MBOAT2: variants seen among roughly 807,000 people sequenced by gnomAD.
MBOAT2 encodes membrane-bound glycerophospholipid O-acyltransferase 2.
Under a neutral mutation model 63.4 loss-of-function variants are expected in MBOAT2, and 28 were observed. That is an observed-to-expected ratio of 0.44 (90% CI 0.33 to 0.61). MBOAT2 has a LOEUF of 0.61. MBOAT2 is among the 20% of genes least tolerant of loss of function. The pLI is 0.03. For synonymous variants in MBOAT2, 211 were observed against 215.6 expected (o/e 0.98, Z 0.19); for missense variants, 470 against 605.8 (o/e 0.78, Z 2.35).
At chr2:8,969,646 G>T (rs895734356) in intron 1 of MBOAT2, among the ~76,000 whole-genome samples, 2 of 152,090 alleles carry the variant, frequency 1.3e-5, no homozygotes, top group Non-Finnish European at 2.9e-5. Context: ...AGAGACACAC[G>T]TAGGCTCAAA....
intron 1 of MBOAT2, among the ~76,000 whole-genome samples, chr2:8,984,510 G>C (rs1671417091): frequency 6.6e-6 from 1 of 152,276 alleles, no homozygotes; most frequent in East Asian, 1.9e-4. Context: ...GGCATGCAGG[G>C]AGCTTAAAAG....
chr2:8,952,703 T>C (rs543378543), intron 2 of MBOAT2, among the ~76,000 whole-genome samples: 2 of 152,196 alleles, frequency 1.3e-5, no homozygotes, highest in East Asian at 1.9e-4. Flanking sequence ...TGTAATTTTA[T>C]GATTTTATGC....
rs1662068272 is a variant in MBOAT2 at position 8,868,559 on chromosome 2, A to T, written c.884-10T>A. 2 of 1,601,260 alleles carry T rather than the reference A, an allele frequency of 1.2e-6. No homozygotes were observed. Among genetic ancestry groups the T allele is most frequent in the Non-Finnish European group, 1.7e-6 (2 of 1,172,060 alleles). ...TTATTAATGGCATCAGCTATAGAAA[A>T]CAACATTAGAAAAAAGTATTAAGAA... On this transcript the variant is annotated splice_polypyrimidine_tract_variant and intron_variant, in intron 8 of 12. Coordinates refer to ENST00000305997, the MANE Select transcript of MBOAT2 (RefSeq NM_138799.4).
At chr2:8,908,820 A>G (rs1665511476) in intron 3 of MBOAT2, 104 bp from the exon 4 acceptor site, 2 of 657,642 alleles carry the variant, frequency 3.0e-6, no homozygotes, top group Non-Finnish European at 5.3e-6. Flanking sequence ...CAGAAATTAA[A>G]TATTACTAGA....
intron 1 of MBOAT2, among the ~76,000 whole-genome samples, chr2:8,985,363 A>G (rs1018096580): frequency 6.6e-6 from 1 of 152,206 alleles, no homozygotes; most frequent in Non-Finnish European, 1.5e-5. Context: ...CTGAAAATAC[A>G]TGGAATTCTT....
At chr2:8,999,153 GA>G (rs1672515031) in intron 1 of MBOAT2, among the ~76,000 whole-genome samples, 1 of 152,062 alleles carries the variant, frequency 6.6e-6, no homozygotes, top group Non-Finnish European at 1.5e-5. Context: ...TCCCTGCCCG[GA>G]ATTCAGCATA....
chr2:8,913,428 T>C (rs1345385974), intron 3 of MBOAT2, among the ~76,000 whole-genome samples: 1 of 151,538 alleles, frequency 6.6e-6, no homozygotes, highest in Non-Finnish European at 1.5e-5. Flanking sequence ...ACAATCTATA[T>C]ACATCTAACA....
chr2:8,923,210 C>A (rs1260073788), intron 3 of MBOAT2, among the ~76,000 whole-genome samples: 1 of 152,190 alleles, frequency 6.6e-6, no homozygotes, highest in Non-Finnish European at 1.5e-5. Flanking sequence ...CCATGACCTG[C>A]CATTGCTTAG....
rs180763456 is a variant in MBOAT2, at chr2:8,969,729, G to A, written c.76-11087C>T. Reference sequence around the variant, plus strand: ...GGCAGGGCTTGCAATCCTAGTCTCTGATAAAACAGACTTTAAACCAACAAA... The same window carrying A: ...GGCAGGGCTTGCAATCCTAGTCTCTAATAAAACAGACTTTAAACCAACAAA... On this transcript the variant is annotated intron_variant, in intron 1 of 12. Coordinates refer to ENST00000305997, the MANE Select transcript of MBOAT2 (RefSeq NM_138799.4). Among the ~76,000 whole-genome samples the A allele has an allele frequency of 3.7e-3, 563 of 152,242 alleles. 6 individuals carry two copies. The highest frequency in any genetic ancestry group is 0.013 in the African/African-American group (540 of 41,544).
At chr2:8,872,101 G>A (rs1662369464) in intron 8 of MBOAT2, among the ~76,000 whole-genome samples, 1 of 152,170 alleles carries the variant, frequency 6.6e-6, no homozygotes, top group African/African-American at 2.4e-5. Flanking sequence ...GAGCAGGCAA[G>A]GTCCTGTGAA....
intron 1 of MBOAT2, among the ~76,000 whole-genome samples, chr2:8,971,868 G>C (rs1038175197): frequency 6.6e-6 from 1 of 151,992 alleles, no homozygotes; most frequent in African/African-American, 2.4e-5. Context: ...AAATAAAAGA[G>C]GATACCAACA....
chr2:8,913,934 A>G (rs971693781), intron 3 of MBOAT2, among the ~76,000 whole-genome samples: 1 of 152,254 alleles, frequency 6.6e-6, no homozygotes, highest in African/African-American at 2.4e-5. Flanking sequence ...AATGCCCACC[A>G]ATCAACAAGT....
chr2:8,858,496 ACATGG>A lies in MBOAT2; in HGVS notation c.*178_*182del, dbSNP rs1385160889. 1 of 546,872 alleles carries A rather than the reference ACATGG, an allele frequency of 1.8e-6. No individual in the cohort carries two copies. The highest frequency in any genetic ancestry group is 3.2e-6 in the Non-Finnish European group (1 of 310,954). 33.9% of individuals were successfully genotyped at this position (546,872 alleles called of 1,614,324 possible). A position where few individuals can be genotyped will look rare whatever the true frequency, so the allele number is the denominator to read the frequency against. On this transcript the variant is annotated 3_prime_UTR_variant, in exon 13 of 13. Coordinates refer to ENST00000305997, the MANE Select transcript of MBOAT2 (RefSeq NM_138799.4). ...CTTACATAAGGCGTGGCCCACGGAG[ACATGG>A]CATGGGAGGGCTTGTTTCACTCCAT...
rs1353308170 is a variant in MBOAT2 at position 8,855,221 on chromosome 2, T to C, written c.*3458A>G. 1 of 152,210 alleles carries C rather than the reference T, an allele frequency of 6.6e-6. No individual in the cohort carries two copies. The highest frequency in any genetic ancestry group is 1.5e-5 in the Non-Finnish European group (1 of 68,060). The allele number at this position is 152,210 out of a possible 1,614,324, so 9.4% of individuals were successfully genotyped here. A position where few individuals can be genotyped will look rare whatever the true frequency, so the allele number is the denominator to read the frequency against. On this transcript the variant is annotated 3_prime_UTR_variant, in exon 13 of 13. Transcript: ENST00000305997. ...CTGTGAATGTGCCCAAGTCCTTGAA[T>C]CCTACAGACCTTGCTAATGGCTCCG...
chr2:8,986,944 C>T (rs749856445), intron 1 of MBOAT2, among the ~76,000 whole-genome samples: 2 of 152,104 alleles, frequency 1.3e-5, no homozygotes, highest in Non-Finnish European at 2.9e-5. Flanking sequence ...TCTGGATCTG[C>T]GAGAAAATAA....
chr2:8,884,213 A>AG (rs1415561798), intron 5 of MBOAT2, among the ~76,000 whole-genome samples: 1 of 150,188 alleles, frequency 6.7e-6, no homozygotes, highest in Non-Finnish European at 1.5e-5. Context: ...AAAAAAAAAA[A>AG]AAAAAAAGTC....
intron 2 of MBOAT2, among the ~76,000 whole-genome samples, chr2:8,956,663 C>A (rs1669249445): frequency 6.6e-6 from 1 of 152,122 alleles, no homozygotes; most frequent in Non-Finnish European, 1.5e-5. Flanking sequence ...TGTCACTGCA[C>A]TCCAGCATGG....
At chr2:8,936,933 C>T (rs936702679) in intron 3 of MBOAT2, among the ~76,000 whole-genome samples, 2 of 152,252 alleles carry the variant, frequency 1.3e-5, no homozygotes, top group South Asian at 2.1e-4. Flanking sequence ...TCGCAGAACA[C>T]GCCACATTGT....
At chr2:8,997,970 C>T (rs1672424529) in intron 1 of MBOAT2, among the ~76,000 whole-genome samples, 1 of 152,188 alleles carries the variant, frequency 6.6e-6, no homozygotes, top group Non-Finnish European at 1.5e-5. Flanking sequence ...TTTCAACTCT[C>T]TTTACTATTG....
Sources: allele counts gnomAD v4.1 joint callset (sites outside exome capture counted in the v4.1 genomes callset), GRCh38; gene constraint gnomAD v4.1.1; transcripts MANE v1.5; gene names NCBI Gene and HGNC (gene_info 2026-07-23, HGNC 2026-07-21).